NSD2: variants seen among roughly 807,000 people sequenced by gnomAD.
The protein encoded by NSD2 is nuclear receptor binding SET domain protein 2, also known as histone-lysine N-methyltransferase NSD2.
Under a neutral mutation model 139.0 loss-of-function variants are expected in NSD2, and 12 were observed. That is an observed-to-expected ratio of 0.09 (90% confidence interval 0.06 to 0.14). The LOEUF (loss-of-function observed/expected upper bound fraction) is 0.14. NSD2 is among the 10% of genes least tolerant of loss of function. The probability of loss-of-function intolerance (pLI) is 1.00; values close to 1 mark genes in which losing one functional copy is unlikely to be tolerated. For synonymous variants in NSD2, 669 were observed against 648.7 expected (o/e 1.03, Z -0.48); for missense variants, 1,155 against 1,745.0 (o/e 0.66, Z 6.02).
chr4:1,947,601 G>A, intron 9 of NSD2: 1 of 1,054,320 alleles, frequency 9.5e-7, no homozygotes. Context: ...TTACTGTGCT[G>A]TTAACTTGGA....
At chr4:1,898,585 G>A (rs530158472) in intron 1 of NSD2, among the ~76,000 whole-genome samples, 4 of 151,802 alleles carry the variant, frequency 2.6e-5, no homozygotes, top group East Asian at 1.9e-4. Flanking sequence ...AATTGAACCC[G>A]GGAGGTGGAG....
rs1189530837 is a variant in NSD2 at position 1,979,303 on chromosome 4, C to G, written c.*394C>G. On this transcript the variant is annotated 3_prime_UTR_variant, in exon 22 of 22. Coordinates refer to ENST00000508803, the MANE Select transcript of NSD2 (RefSeq NM_001042424.3). ...CCAAGGGTCGCTAGAAACTCGTCTT[C>G]GCGTTGCCCCCTTTCTGGCTCTCAG... is the stretch of plus-strand genomic sequence containing the variant. 1 of 244,412 alleles carries G rather than the reference C, an allele frequency of 4.1e-6. No homozygotes were observed. Among genetic ancestry groups the G allele is most frequent in the Admixed American group, 5.5e-5 (1 of 18,092 alleles). 15.1% of individuals were successfully genotyped at this position (244,412 alleles called of 1,614,324 possible). A position where few individuals can be genotyped will look rare whatever the true frequency, so the allele number is the denominator to read the frequency against.
At position 1,976,234 on chromosome 4, in the gene NSD2, G is replaced by A. The variant is rs62287054; in HGVS notation, c.3622-241G>A. ...GTCTGCTGAGATGCTGCTGAGATGC[G>A]TCATTGCAGGCTTCCGACAAAGCTC... On this transcript the variant is annotated intron_variant, in intron 20 of 21. Transcript: ENST00000508803. The surrounding 1 kb of genome is among the most constrained non-coding windows in gnomAD (Gnocchi z 5.3). The A allele has an allele frequency of 9.9e-3, 5,244 of 531,020 alleles. 40 individuals are homozygous for A. Among genetic ancestry groups the A allele is most frequent in the Non-Finnish European group, 0.015 (4,309 of 295,454 alleles). The allele number at this position is 531,020 out of a possible 1,614,324, so 32.9% of individuals were successfully genotyped here. A position where few individuals can be genotyped will look rare whatever the true frequency, so the allele number is the denominator to read the frequency against.
At chr4:1,938,401 C>CTTTTTTTTTCTTTTTTTTTTTTT (rs1722674160) in intron 7 of NSD2, 50 bp from the exon 8 acceptor site, 3 of 878,160 alleles carry the variant, frequency 3.4e-6, no homozygotes, top group African/African-American at 5.5e-5. Context: ...TTTTTCTTTT[C>CTTTTTTTTTCTTTTTTTTTTTTT]TTTTTTTTTT....
intron 5 of NSD2, among the ~76,000 whole-genome samples, chr4:1,924,156 A>G (rs1720537544): frequency 6.6e-6 from 1 of 152,230 alleles, no homozygotes; most frequent in African/African-American, 2.4e-5. Context: ...CAACATAGCA[A>G]GATCTTATCT....
intron 1 of NSD2, among the ~76,000 whole-genome samples, chr4:1,896,100 G>GT: frequency 6.6e-6 from 1 of 152,372 alleles, no homozygotes; most frequent in African/African-American, 2.4e-5. Context: ...CCACAGTGTA[G>GT]TAAGTGGCAG....
In NSD2 at chr4:1,981,560, A is replaced by G; in HGVS notation, c.*2651A>G. On this transcript the variant is annotated 3_prime_UTR_variant, in exon 22 of 22. Coordinates refer to ENST00000508803, the MANE Select transcript of NSD2 (RefSeq NM_001042424.3). ...TGCGCCCACAGGGGGATGTGTCCGA[A>G]TGGGCAGCTTAAAATGTGGTCACCT... is the stretch of plus-strand genomic sequence containing the variant. 3.1e-6 allele frequency: 1 copy of G among 327,556 alleles called. No homozygotes were observed. Among genetic ancestry groups the G allele is most frequent in the East Asian group, 4.5e-5 (1 of 22,444 alleles). 20.3% of individuals were successfully genotyped at this position (327,556 alleles called of 1,614,324 possible).
At chr4:1,891,141 G>A (rs1005762779) in intron 1 of NSD2, among the ~76,000 whole-genome samples, 1 of 152,130 alleles carries the variant, frequency 6.6e-6, no homozygotes, top group Non-Finnish European at 1.5e-5. Context: ...CAATCCTTCT[G>A]CCTTGGCCTC....
chr4:1,907,509 T>A (rs1000437832), intron 3 of NSD2, among the ~76,000 whole-genome samples: 4 of 152,170 alleles, frequency 2.6e-5, no homozygotes, highest in African/African-American at 4.8e-5. Flanking sequence ...TCTATTTTTT[T>A]AATCTATTTT....
rs150150439 is a variant in NSD2 at position 1,974,803 on chromosome 4, C to G, written c.3373-60C>G. 2 of 1,607,220 alleles carry G rather than the reference C, an allele frequency of 1.2e-6. No individual in the cohort carries two copies. The highest frequency in any genetic ancestry group is 4.5e-5 in the East Asian group (2 of 44,772). On this transcript the variant is annotated intron_variant, in intron 18 of 21. Transcript: ENST00000508803. The surrounding 1 kb of genome is among the most constrained non-coding windows in gnomAD (Gnocchi z 4.0). ...AATGTGCTTTATGATGGTGAAAATT[C>G]CCTTTAAAAATAACATGCGATTGCT...
intron 18 of NSD2, among the ~76,000 whole-genome samples, chr4:1,968,832 G>A (rs748226521): frequency 2.0e-5 from 3 of 152,198 alleles, no homozygotes; most frequent in Non-Finnish European, 2.9e-5. Flanking sequence ...ATGCACGTCC[G>A]ACAGTTGGAA....
At position 1,979,037 on chromosome 4, in the gene NSD2, C is replaced by T. The variant is rs1727466394; in HGVS notation, c.*128C>T. On this transcript the variant is annotated 3_prime_UTR_variant, in exon 22 of 22. Coordinates refer to ENST00000508803, the MANE Select transcript of NSD2 (RefSeq NM_001042424.3). ...CGCCAGGACACAGACGTACAGGCCT[C>T]CTCGGGAGGGAGCGCCTCCCCACCA... The T allele has an allele frequency of 1.6e-6, 2 of 1,248,862 alleles. No homozygotes were observed. The highest frequency in any genetic ancestry group is 1.8e-5 in the South Asian group (1 of 54,260). The allele number at this position is 1,248,862 out of a possible 1,614,324, so 77.4% of individuals were successfully genotyped here.
At chr4:1,904,166 C>G in intron 2 of NSD2, 50 bp from the exon 3 acceptor site, 2 of 1,582,582 alleles carry the variant, frequency 1.3e-6, no homozygotes, top group South Asian at 2.3e-5. Context: ...TCTGGATACA[C>G]AGGTAGTGAT....
chr4:1,938,829 C>T lies in NSD2; in HGVS notation c.1756+297C>T, dbSNP rs137922428. On this transcript the variant is annotated intron_variant, in intron 8 of 21. Coordinates refer to ENST00000508803, the MANE Select transcript of NSD2 (RefSeq NM_001042424.3). ...ATTTTACTAGAAAAGTGATTTCAAC[C>T]AGAAGTTTTCAGGTTTCTTACTTGA... 5.3e-5 allele frequency among the ~76,000 whole-genome samples: 8 copies of T among 152,224 alleles called. No homozygotes were observed. In the East Asian group the frequency reaches 1.5e-3, roughly 29 times the overall value.
chr4:1,922,198 T>G (rs914348538), intron 5 of NSD2, among the ~76,000 whole-genome samples: 14 of 152,202 alleles, frequency 9.2e-5, no homozygotes, highest in African/African-American at 2.9e-4. Context: ...TGTCATTGTT[T>G]GCAGAAGTCT....
At chr4:1,947,961 C>CGTGCTTT in intron 9 of NSD2, 1 of 1,056,400 alleles carries the variant, frequency 9.5e-7, no homozygotes, top group Non-Finnish European at 1.1e-6. Flanking sequence ...TGAAGGGCCA[C>CGTGCTTT]GTGCTTTTAG....
intron 5 of NSD2, among the ~76,000 whole-genome samples, chr4:1,929,258 G>A: frequency 6.6e-6 from 1 of 152,150 alleles, no homozygotes. Flanking sequence ...GCCGTCTGTG[G>A]TGACTGTCTT....
At chr4:1,898,679 CAAAA>C (rs762278949) in intron 1 of NSD2, among the ~76,000 whole-genome samples, 2,037 of 143,310 alleles carry the variant, frequency 0.014, 25 homozygotes, top group Non-Finnish European at 0.022. Context: ...AAACAAAAAA[CAAAA>C]AACACACTTT....
intron 5 of NSD2, among the ~76,000 whole-genome samples, chr4:1,925,754 T>TTA (rs1479789201): frequency 6.6e-6 from 1 of 150,778 alleles, no homozygotes; most frequent in African/African-American, 2.5e-5. Flanking sequence ...GTACTTCTTT[T>TTA]TATATATCTA....
Sources: gnomAD v4.1 joint callset for allele counts (sites outside exome capture counted in the v4.1 genomes callset) on GRCh38, gnomAD v4.1.1 for gene constraint, Gnocchi (gnomAD v3.1) non-coding constraint, MANE v1.5 for transcripts, NCBI Gene and HGNC (gene_info 2026-07-23, HGNC 2026-07-21) for gene names.